Variants in EVC2 observed in about 807,000 individuals in gnomAD.
EVC2 encodes limbin.
In EVC2, 148 loss-of-function variants were observed where a neutral mutation model predicts 149.3. That is an observed-to-expected ratio of 0.99 (90% CI 0.87 to 1.14). EVC2 has a LOEUF of 1.14. Among genes scored for constraint, EVC2 ranks in the 50% most tolerant of loss-of-function variants. The pLI, the probability that EVC2 is intolerant of heterozygous loss-of-function variation, is 0.00. For missense variants in EVC2, 1,854 were observed against 1,627.3 expected, an observed-to-expected ratio of 1.14 and a Z score of -2.40; for synonymous variants, 776 against 649.9, an observed-to-expected ratio of 1.19 and a Z score of -2.95.
chr4:5,608,013 G>C (rs556386545), intron 16 of EVC2, among the ~76,000 whole-genome samples: 25 of 152,104 alleles, frequency 1.6e-4, no homozygotes, highest in Middle Eastern at 3.4e-3. Context: ...CATCCTAACA[G>C]CTCCCTGCAG....
intron 17 of EVC2, among the ~76,000 whole-genome samples, chr4:5,581,944 G>A (rs1711837719): frequency 6.6e-6 from 1 of 152,248 alleles, no homozygotes; most frequent in Non-Finnish European, 1.5e-5. Context: ...CTTCCATGTG[G>A]TGTTAAGCCT....
In EVC2 at chr4:5,691,346, G is replaced by A. The variant is rs769974550; in HGVS notation, c.451-13C>T. ...AAATGTCCCCATACTACAATAAAAT[G>A]TAAAAGTTATTAGAAAATGAGAAAT... On this transcript the variant is annotated splice_polypyrimidine_tract_variant and intron_variant, in intron 3 of 21. Transcript: ENST00000344408. 1 of 1,598,758 alleles carries A rather than the reference G, an allele frequency of 6.3e-7. No individual in the cohort carries two copies. The highest frequency in any genetic ancestry group is 1.7e-5 in the Admixed American group (1 of 59,872).
intron 16 of EVC2, among the ~76,000 whole-genome samples, chr4:5,602,176 A>T (rs528391408): frequency 6.9e-4 from 105 of 151,824 alleles, no homozygotes; most frequent in Non-Finnish European, 1.2e-3. Flanking sequence ...AATCCCAGCT[A>T]CCTTGGAGGC....
At chr4:5,560,368 A>C (rs1487212739), downstream of EVC2, among the ~76,000 whole-genome samples, 1 of 152,240 alleles carries the variant, frequency 6.6e-6, no homozygotes, top group Non-Finnish European at 1.5e-5. The surrounding 1 kb of genome is among the most constrained non-coding windows in gnomAD (Gnocchi z 4.1). Flanking sequence ...TCACAGTTCC[A>C]CATGACTGGG....
intron 9 of EVC2, among the ~76,000 whole-genome samples, chr4:5,645,146 A>G (rs10022307): frequency 0.38 from 58,015 of 151,850 alleles, 11,739 homozygotes; most frequent in East Asian, 0.48. Flanking sequence ...CGGCCATACT[A>G]TAAGGTAAGG....
At position 5,562,778 on chromosome 4, in the gene EVC2, A is replaced by G; in HGVS notation, c.*70T>C. ...TTTGCGAGTTGTGCATTATAAACAC[A>G]CAAACACCGGCGGGCAGGAGAAAAT... On this transcript the variant is annotated 3_prime_UTR_variant, in exon 22 of 22. Transcript: ENST00000344408. The surrounding 1 kb of genome is among the most constrained non-coding windows in gnomAD (Gnocchi z 4.3). 6.2e-7 allele frequency: 1 copy of G among 1,606,896 alleles called. No individual in the cohort carries two copies. The highest frequency in any genetic ancestry group is 8.5e-7 in the Non-Finnish European group (1 of 1,179,952).
chr4:5,606,644 A>G (rs1714413179), intron 16 of EVC2, among the ~76,000 whole-genome samples: 1 of 152,194 alleles, frequency 6.6e-6, no homozygotes, highest in African/African-American at 2.4e-5. Flanking sequence ...GCAAAAAAGC[A>G]GGAATATAAG....
intron 4 of EVC2, 130 bp from the exon 5 acceptor site, chr4:5,689,473 C>T (rs1226898128): frequency 1.2e-6 from 1 of 848,474 alleles, no homozygotes; most frequent in Non-Finnish European, 1.9e-6. Context: ...CGCAGAGGGC[C>T]TGGGAATTTA....
chr4:5,638,900 A>G (rs1717098799), intron 10 of EVC2, among the ~76,000 whole-genome samples: 1 of 152,160 alleles, frequency 6.6e-6, no homozygotes, highest in Non-Finnish European at 1.5e-5. Flanking sequence ...TAGATTTTGG[A>G]CGTCTGGCCT....
intron 21 of EVC2, among the ~76,000 whole-genome samples, chr4:5,556,322 A>G (rs1721839832): frequency 6.6e-6 from 1 of 152,104 alleles, no homozygotes; most frequent in African/African-American, 2.4e-5. Context: ...TTCAGATTAA[A>G]TAACACATTT....
the EVC2 span, among the ~76,000 whole-genome samples, chr4:5,537,150 C>G: frequency 1.3e-5 from 2 of 152,124 alleles, no homozygotes; most frequent in Non-Finnish European, 2.9e-5. Context: ...TAGAGTTGCC[C>G]CGCTTTCTGC....
intron 16 of EVC2, among the ~76,000 whole-genome samples, chr4:5,591,615 G>T (rs1289552899): frequency 1.3e-5 from 2 of 152,032 alleles, no homozygotes; most frequent in Non-Finnish European, 2.9e-5. Context: ...AAAGCCTTTT[G>T]TATATACTGT....
chr4:5,691,178 A>G, intron 4 of EVC2, 87 bp downstream of exon 4: 2 of 1,173,630 alleles, frequency 1.7e-6, no homozygotes, highest in Non-Finnish European at 2.6e-6. Flanking sequence ...ATGATTTATC[A>G]GTTCTTAAAT....
intron 16 of EVC2, among the ~76,000 whole-genome samples, chr4:5,589,021 A>C (rs747510339): frequency 1.3e-5 from 2 of 152,202 alleles, no homozygotes; most frequent in African/African-American, 2.4e-5. Flanking sequence ...TTTTCTCCTC[A>C]TGAGGAGTTA....
intron 1 of EVC2, among the ~76,000 whole-genome samples, chr4:5,702,494 C>A (rs1297940645): frequency 6.6e-6 from 1 of 152,232 alleles, no homozygotes; most frequent in Non-Finnish European, 1.5e-5. Context: ...TAACCCTCCA[C>A]TGCCTCCTCC....
chr4:5,682,730 G>C (rs892182673), intron 6 of EVC2, among the ~76,000 whole-genome samples: 72 of 151,358 alleles, frequency 4.8e-4, no homozygotes, highest in African/African-American at 1.7e-3. Flanking sequence ...GTGGTGGTGG[G>C]TGCCTGTAAT....
chr4:5,537,214 G>C, the EVC2 span, among the ~76,000 whole-genome samples: 116 of 152,306 alleles, frequency 7.6e-4, 1 homozygote, highest in African/African-American at 2.6e-3. Flanking sequence ...GCAGAGCCCA[G>C]GGGAGTTCAA....
At position 5,670,419 on chromosome 4, in the gene EVC2, C is replaced by T. The variant is rs1398736164; in HGVS notation, c.871-4770G>A. On this transcript the variant is annotated intron_variant, in intron 7 of 21. Coordinates refer to ENST00000344408, the MANE Select transcript of EVC2 (RefSeq NM_147127.5). The surrounding 1 kb of genome is among the most constrained non-coding windows in gnomAD (Gnocchi z 5.2). ...TCTCCATCATTTTCATCTTTACCAT[C>T]ACCATCAACACCATTATGATCAATA... Among the ~76,000 whole-genome samples, 1 of 152,016 alleles carries T rather than the reference C, an allele frequency of 6.6e-6. No individual in the cohort carries two copies. Among genetic ancestry groups the T allele is most frequent in the African/African-American group, 2.4e-5 (1 of 41,394 alleles).
intron 16 of EVC2, among the ~76,000 whole-genome samples, chr4:5,589,967 G>A (rs1034493482): frequency 4.6e-5 from 7 of 152,106 alleles, no homozygotes; most frequent in African/African-American, 9.7e-5. Flanking sequence ...GGTGCTATGT[G>A]GTTTAGAGAA....
Sources: allele counts gnomAD v4.1 joint callset (sites outside exome capture counted in the v4.1 genomes callset), GRCh38; gene constraint gnomAD v4.1.1; non-coding constraint Gnocchi (gnomAD v3.1); transcripts MANE v1.5; gene names NCBI Gene and HGNC (gene_info 2026-07-23, HGNC 2026-07-21).